Variants in NTRK2 observed in about 807,000 individuals in gnomAD.
NTRK2 encodes the protein BDNF/NT-3 growth factors receptor.
In NTRK2, 13 loss-of-function variants were observed where a neutral mutation model predicts 94.5. The observed-to-expected ratio is 0.14, with a 90% CI of 0.09 to 0.22. The LOEUF (loss-of-function observed/expected upper bound fraction) is 0.22, where lower values mean the gene tolerates loss of function less well. Ranked by LOEUF, NTRK2 falls within the 10% of genes least tolerant of loss-of-function variation. The pLI is 1.00. For synonymous variants in NTRK2, 372 were observed against 407.4 expected, an observed-to-expected ratio of 0.91 and a Z score of 1.05; for missense variants, 639 against 1,071.2, an observed-to-expected ratio of 0.60 and a Z score of 5.63.
intron 17 of NTRK2, among the ~76,000 whole-genome samples, chr9:85,016,064 T>A (rs1016604249): frequency 9.2e-5 from 14 of 152,216 alleles, no homozygotes; most frequent in Non-Finnish European, 8.8e-5. Context: ...TCAAGTGAGA[T>A]AATTGAATAG....
At chr9:84,925,259 C>A (rs2077720821) in intron 14 of NTRK2, among the ~76,000 whole-genome samples, 2 of 148,306 alleles carry the variant, frequency 1.3e-5, no homozygotes, top group Admixed American at 1.4e-4. Flanking sequence ...TCTTAACTTA[C>A]AAATACTCTC....
At chr9:85,010,064 C>T (rs1478896068) in intron 17 of NTRK2, among the ~76,000 whole-genome samples, 1 of 152,186 alleles carries the variant, frequency 6.6e-6, no homozygotes, top group African/African-American at 2.4e-5. Context: ...ACTTGCTGGA[C>T]AGGATGCACG....
At chr9:84,747,419 C>A (rs1242265225) in intron 11 of NTRK2, among the ~76,000 whole-genome samples, 1 of 150,430 alleles carries the variant, frequency 6.6e-6, no homozygotes, top group Non-Finnish European at 1.5e-5. Flanking sequence ...GAAATCCAAG[C>A]AGCATGTATT....
chr9:84,755,525 C>CTTTTTTTTTT lies in NTRK2; in HGVS notation c.1396+3459_1396+3468dup, dbSNP rs745611460. 1.1e-3 allele frequency among the ~76,000 whole-genome samples: 69 copies of CTTTTTTTTTT among 60,650 alleles called. 1 individual carries two copies. Among genetic ancestry groups the CTTTTTTTTTT allele is most frequent in the African/African-American group, 4.6e-3 (66 of 14,370 alleles). 39.8% of individuals were successfully genotyped at this position (60,650 alleles called of 152,430 possible). A position where few individuals can be genotyped will look rare whatever the true frequency, so the allele number is the denominator to read the frequency against. ...TTCTAAAAGAGACAAAGTCCCACCT[C>CTTTTTTTTTT]TTTTTTTTTTTTTTTTTTTTTTTTT... On this transcript the variant is annotated intron_variant, in intron 12 of 18. Coordinates refer to ENST00000277120, the MANE Select transcript of NTRK2 (RefSeq NM_006180.6).
At chr9:85,021,191 A>G (rs2117991251) in intron 18 of NTRK2, 61 bp from the exon 19 acceptor site, 1 of 1,479,366 alleles carries the variant, frequency 6.8e-7, no homozygotes, top group South Asian at 1.2e-5. Flanking sequence ...TTTTGCACTG[A>G]CATTTCTTCG....
chr9:84,948,767 A>G, intron 16 of NTRK2, 133 bp downstream of exon 16: 1 of 715,718 alleles, frequency 1.4e-6, no homozygotes, highest in Admixed American at 2.8e-5. Context: ...ACACCAGCAT[A>G]TGCCAGAGAA....
At chr9:84,982,853 C>T (rs1319467200) in intron 17 of NTRK2, among the ~76,000 whole-genome samples, 2 of 152,110 alleles carry the variant, frequency 1.3e-5, no homozygotes, top group Admixed American at 6.5e-5. Flanking sequence ...TCCACAAAGA[C>T]GAGTAGACAA....
At chr9:84,732,311 G>T (rs1197678543) in intron 9 of NTRK2, among the ~76,000 whole-genome samples, 1 of 152,168 alleles carries the variant, frequency 6.6e-6, no homozygotes, top group Non-Finnish European at 1.5e-5. Flanking sequence ...GAATCAACTG[G>T]AGACTTTTTG....
At chr9:84,912,037 T>C (rs917718537) in intron 14 of NTRK2, among the ~76,000 whole-genome samples, 1 of 152,200 alleles carries the variant, frequency 6.6e-6, no homozygotes, top group Non-Finnish European at 1.5e-5. Context: ...GTTGCTTGAT[T>C]TGCAAGTGTT....
chr9:84,948,890 A>G (rs2078686495), intron 16 of NTRK2, among the ~76,000 whole-genome samples: 1 of 152,242 alleles, frequency 6.6e-6, no homozygotes, highest in Non-Finnish European at 1.5e-5. Context: ...AACATTTGCT[A>G]CATGGAGTGG....
At chr9:84,920,518 C>A (rs989403989) in intron 14 of NTRK2, among the ~76,000 whole-genome samples, 1 of 152,188 alleles carries the variant, frequency 6.6e-6, no homozygotes, top group Non-Finnish European at 1.5e-5. Context: ...CCGTCTGTTG[C>A]ACCTGCTGGC....
chr9:84,749,474 G>A (rs1346661056), intron 11 of NTRK2, among the ~76,000 whole-genome samples: 4 of 152,144 alleles, frequency 2.6e-5, no homozygotes, highest in African/African-American at 9.7e-5. Context: ...CACATGCTTT[G>A]CAGAGACAGT....
chr9:84,905,729 G>C (rs1199234534), intron 14 of NTRK2, among the ~76,000 whole-genome samples: 1 of 152,234 alleles, frequency 6.6e-6, no homozygotes, highest in African/African-American at 2.4e-5. Flanking sequence ...GGGAGTGTCA[G>C]GTAGGTGGAT....
intron 12 of NTRK2, among the ~76,000 whole-genome samples, chr9:84,763,977 T>C (rs2065824658): frequency 6.6e-6 from 1 of 152,212 alleles, no homozygotes; most frequent in East Asian, 1.9e-4. Context: ...TTGTTTTCTT[T>C]GGTATTCTTC....
intron 14 of NTRK2, among the ~76,000 whole-genome samples, chr9:84,888,945 A>G (rs28622192): frequency 0.043 from 5,916 of 137,926 alleles, 377 homozygotes; most frequent in East Asian, 0.17. Flanking sequence ...TAATTGCCTC[A>G]TTGGCGAACT....
rs905083927 is a variant in NTRK2, at chr9:84,871,992, C to T, written c.1633+4561C>T. 4 of 1,536,826 alleles carry T rather than the reference C, an allele frequency of 2.6e-6. No homozygotes were observed. In the Admixed American group the frequency reaches 5.8e-5, roughly 22 times the overall value. ...CAAGCAAGAAGTTGCCTTTCCAAGA[C>T]AAAGCAGTGTGCTCTAATGACTAAC... On this transcript the variant is annotated intron_variant, in intron 14 of 18. Coordinates refer to ENST00000277120, the MANE Select transcript of NTRK2 (RefSeq NM_006180.6).
chr9:85,003,906 T>C (rs530476053), intron 17 of NTRK2, among the ~76,000 whole-genome samples: 5 of 148,336 alleles, frequency 3.4e-5, no homozygotes, highest in East Asian at 1.9e-4. Context: ...AAACAAGGAA[T>C]CAATGATGAC....
chr9:84,887,452 C>G (rs1023179857), intron 14 of NTRK2, among the ~76,000 whole-genome samples: 1 of 152,196 alleles, frequency 6.6e-6, no homozygotes, highest in African/African-American at 2.4e-5. Context: ...AATTAAGTAC[C>G]CCCTGGAGGG....
chr9:84,867,501 G>A, intron 14 of NTRK2, 70 bp downstream of exon 14: 1 of 1,304,058 alleles, frequency 7.7e-7, no homozygotes, highest in East Asian at 2.3e-5. Flanking sequence ...GTTTATCAGA[G>A]CCCCTGATAG....
Sources: allele counts gnomAD v4.1 joint callset (sites outside exome capture counted in the v4.1 genomes callset), GRCh38; gene constraint gnomAD v4.1.1; transcripts MANE v1.5; gene names NCBI Gene and HGNC (gene_info 2026-07-23, HGNC 2026-07-21).